Variants in VPS8 observed in about 807,000 individuals in gnomAD.
VPS8 encodes vacuolar protein sorting-associated protein 8 homolog.
A neutral mutation model predicts 216.4 loss-of-function variants in VPS8; 129 were observed. The observed-to-expected ratio is 0.60, with a 90% confidence interval of 0.52 to 0.69. The LOEUF (loss-of-function observed/expected upper bound fraction) is 0.69, where lower values mean the gene tolerates loss of function less well. Ranked by LOEUF, VPS8 falls within the 30% of genes least tolerant of loss-of-function variation. The pLI, the probability that VPS8 is intolerant of heterozygous loss-of-function variation, is 0.00. For synonymous variants in VPS8, 571 were observed against 565.4 expected, an observed-to-expected ratio of 1.01 and a Z score of -0.14; for missense variants, 1,531 against 1,683.5, an observed-to-expected ratio of 0.91 and a Z score of 1.59.
rs756455723 is a variant in VPS8, at chr3:184,853,870, G to A, written c.835G>A (p.Val279Met). ...FELTFKRVMGVRTCESRCLFS... is the reference protein window; with the variant it reads ...FELTFKRVMGMRTCESRCLFS... The stretch of plus-strand genomic sequence containing the variant: ...TTGCATTTTCAGGAGAGTGATGGGA[G>A]TGAGAACCTGTGAATCTAGATGTCT... The change falls in exon 12 of 48, where the codon GTG becomes ATG. Residue 279 changes from valine to methionine, a missense_variant. By Grantham distance (21) the Val-to-Met change is conservative (BLOSUM62 1). Coordinates refer to ENST00000625842, the MANE Select transcript of VPS8 (RefSeq NM_001009921.3). The A allele has an allele frequency of 3.8e-6, 6 of 1,578,440 alleles. No individual in the cohort carries two copies. Among genetic ancestry groups the A allele is most frequent in the Non-Finnish European group, 5.2e-6 (6 of 1,160,980 alleles).
intron 23 of VPS8, among the ~76,000 whole-genome samples, chr3:184,897,233 T>C (rs1268370035): frequency 6.6e-6 from 1 of 152,184 alleles, no homozygotes; most frequent in Non-Finnish European, 1.5e-5. Context: ...GAGGTGATTC[T>C]GGCCAGAGAT....
chr3:184,937,209 T>TA (rs1311430211), intron 35 of VPS8, among the ~76,000 whole-genome samples: 3 of 152,208 alleles, frequency 2.0e-5, no homozygotes, highest in African/African-American at 4.8e-5. Flanking sequence ...GTATTCCACT[T>TA]ACCACTTACC....
chr3:184,976,084 G>T (rs1169766075), intron 40 of VPS8, among the ~76,000 whole-genome samples: 1 of 152,026 alleles, frequency 6.6e-6, no homozygotes, highest in Non-Finnish European at 1.5e-5. Context: ...TTGTAATTAT[G>T]TGTATATGTT....
intron 46 of VPS8, among the ~76,000 whole-genome samples, chr3:185,046,864 G>A (rs1440965765): frequency 6.6e-6 from 1 of 152,166 alleles, no homozygotes; most frequent in East Asian, 1.9e-4. Flanking sequence ...TGCATGGCGA[G>A]GGTTGGTCAC....
intron 25 of VPS8, 82 bp from the exon 26 acceptor site, chr3:184,913,436 AT>A: frequency 3.2e-6 from 4 of 1,263,704 alleles, no homozygotes; most frequent in South Asian, 1.3e-5. Flanking sequence ...GCCAAGTTTT[AT>A]TTTTTTGTTT....
chr3:184,899,587 T>G (rs1734117418), intron 24 of VPS8, among the ~76,000 whole-genome samples: 1 of 152,152 alleles, frequency 6.6e-6, no homozygotes, highest in Admixed American at 6.5e-5. Flanking sequence ...GTCTGTTATC[T>G]CAAGGATTTT....
chr3:184,897,817 G>A (rs1733783504), intron 23 of VPS8, among the ~76,000 whole-genome samples: 1 of 152,076 alleles, frequency 6.6e-6, no homozygotes, highest in South Asian at 2.1e-4. Context: ...ATAGAGTACT[G>A]TATACTCAAA....
intron 7 of VPS8, among the ~76,000 whole-genome samples, 185 bp from the exon 8 acceptor site, chr3:184,843,055 C>T (rs1232356347): frequency 1.3e-5 from 2 of 151,890 alleles, no homozygotes; most frequent in East Asian, 3.9e-4. Context: ...TTTCCCATAA[C>T]CCATAGCTGA....
At chr3:184,819,418 G>A (rs1392935316) in intron 1 of VPS8, among the ~76,000 whole-genome samples, 1 of 152,218 alleles carries the variant, frequency 6.6e-6, no homozygotes, top group Non-Finnish European at 1.5e-5. Context: ...TGATGGTTGG[G>A]TGAAGAACTA....
At chr3:184,980,010 T>C (rs901586718) in intron 40 of VPS8, among the ~76,000 whole-genome samples, 4 of 152,238 alleles carry the variant, frequency 2.6e-5, no homozygotes, top group Admixed American at 2.6e-4. Flanking sequence ...TTCCTTAGCA[T>C]TCATTGTCTG....
At chr3:184,880,407 A>G (rs972734612) in intron 21 of VPS8, among the ~76,000 whole-genome samples, 1 of 152,256 alleles carries the variant, frequency 6.6e-6, no homozygotes, top group Admixed American at 6.5e-5. Context: ...AAATGGAATC[A>G]TAGAGTGTGT....
Position 184,928,472 on chromosome 3 carries a change from G to A in VPS8, c.2653G>A (p.Ala885Thr). The change falls in exon 32 of 48, where the codon GCT (alanine) becomes ACT (threonine). Residue 885 changes from alanine (A) to threonine (T), a missense_variant. Ala to Thr is a moderately conservative substitution (Grantham distance 58, BLOSUM62 0). Transcript: ENST00000625842. The part of the protein sequence containing the change: ...RQQVLLELLQ[A>T]GGIVQFEESR... ...TCAGGTCCTTTTAGAATTGCTGCAG[G>A]CTGGAGGCATAGTTCAATTTGAAGA... 1.3e-6 allele frequency: 2 copies of A among 1,534,068 alleles called. No individual in the cohort carries two copies. The highest frequency in any genetic ancestry group is 1.7e-6 in the Non-Finnish European group (2 of 1,152,768).
rs758157431 is a variant in VPS8 at position 184,868,930 on chromosome 3, C to G, written c.1507-16C>G. 3 of 1,594,154 alleles carry G rather than the reference C, an allele frequency of 1.9e-6. No individual in the cohort carries two copies. Among genetic ancestry groups the G allele is most frequent in the East Asian group, 4.5e-5 (2 of 44,174 alleles). On this transcript the variant is annotated splice_polypyrimidine_tract_variant and intron_variant, in intron 18 of 47. Transcript: ENST00000625842. Reference sequence around the variant, plus strand: ...TCAGACAAAGGGGCCTGGTTTCTCTCATTTTTCCGTTTTAGAGAGTGGATC... The same window carrying G: ...TCAGACAAAGGGGCCTGGTTTCTCTGATTTTTCCGTTTTAGAGAGTGGATC...
At chr3:184,864,327 C>G (rs1458764134) in intron 16 of VPS8, among the ~76,000 whole-genome samples, 1 of 152,036 alleles carries the variant, frequency 6.6e-6, no homozygotes, top group East Asian at 1.9e-4. Flanking sequence ...CCAAATGGAG[C>G]CTGGAAGACT....
rs758035763 is a variant in VPS8 at position 184,936,345 on chromosome 3, G to C, written c.2988+10G>C. On this transcript the variant is annotated intron_variant, in intron 35 of 47. Coordinates refer to ENST00000625842, the MANE Select transcript of VPS8 (RefSeq NM_001009921.3). The stretch of plus-strand genomic sequence containing the variant: ...CATTAAAAAACTTCAGGTACATATT[G>C]CAAATATATATTGGGGAAAAATATC... 8 of 1,596,206 alleles carry C rather than the reference G, an allele frequency of 5.0e-6. No individual in the cohort carries two copies. The highest frequency in any genetic ancestry group is 6.0e-6 in the Non-Finnish European group (7 of 1,169,332).
chr3:185,036,217 A>G (rs1190770231), intron 46 of VPS8, among the ~76,000 whole-genome samples: 3 of 152,330 alleles, frequency 2.0e-5, no homozygotes, highest in East Asian at 1.9e-4. Context: ...TGCTATTCCT[A>G]TCAAACTACC....
At chr3:184,958,691 A>G (rs1576984005) in intron 37 of VPS8, among the ~76,000 whole-genome samples, 1 of 152,222 alleles carries the variant, frequency 6.6e-6, no homozygotes, top group African/African-American at 2.4e-5. Flanking sequence ...AAAATGGGAG[A>G]AAATGTTCAA....
chr3:184,971,569 A>G lies in VPS8; in HGVS notation c.3317-80A>G, dbSNP rs1403817691. On this transcript the variant is annotated intron_variant, in intron 39 of 47. Transcript: ENST00000625842. ...GAAAATGAAGGTGATGCAAAGAAAA[A>G]GAAGTTTAACTTTTCACAGAGGCTC... 9.7e-6 allele frequency: 10 copies of G among 1,026,970 alleles called. No homozygotes were observed. The Middle Eastern group carries it at 8.5e-4, about 87-fold the overall frequency. The allele number at this position is 1,026,970 out of a possible 1,614,324, so 63.6% of individuals were successfully genotyped here.
In VPS8 at chr3:184,957,370, T is replaced by G. The variant is rs1311286875; in HGVS notation, c.3036-4T>G. On this transcript the variant is annotated splice_polypyrimidine_tract_variant and splice_region_variant and intron_variant, in intron 36 of 47. Coordinates refer to ENST00000625842, the MANE Select transcript of VPS8 (RefSeq NM_001009921.3). ...AGTGTTCTCTTTATCTTTTATGTTT[T>G]TAGGGAAGGTATTCATGTAAATCAA... The G allele has an allele frequency of 3.7e-6, 6 of 1,604,292 alleles. No homozygotes were observed. The East Asian group carries it at 1.3e-4, about 36-fold the overall frequency.
Sources: allele counts gnomAD v4.1 joint callset (sites outside exome capture counted in the v4.1 genomes callset), GRCh38; gene constraint gnomAD v4.1.1; transcripts MANE v1.5; gene names NCBI Gene and HGNC (gene_info 2026-07-23, HGNC 2026-07-21).